The following ACO2 variants were observed in gnomAD, a reference collection of about 807,000 sequenced individuals.
The protein encoded by ACO2 is aconitase 2, also known as aconitate hydratase, mitochondrial.
Under a neutral mutation model 84.5 loss-of-function variants are expected in ACO2, and 31 were observed. The ratio of observed to expected loss-of-function variants is 0.37; its 90% CI spans 0.28 to 0.50. ACO2 has a LOEUF of 0.50. Among genes scored for constraint, ACO2 ranks in the 20% least tolerant of loss-of-function variants. ACO2 has a pLI of 0.97. For missense variants in ACO2, 685 were observed against 1,029.3 expected, an observed-to-expected ratio of 0.67 and a Z score of 4.58; for synonymous variants, 414 against 412.7, an observed-to-expected ratio of 1.00 and a Z score of -0.04.
At chr22:41,481,619 G>T (rs1201859118) in intron 1 of ACO2, among the ~76,000 whole-genome samples, 1 of 152,252 alleles carries the variant, frequency 6.6e-6, no homozygotes, top group Non-Finnish European at 1.5e-5. Flanking sequence ...GCCGAGTGGG[G>T]TTGTGGGGAG....
chr22:41,528,570 G>T lies in ACO2; in HGVS notation c.2300G>T (p.Arg767Leu). 1 of 1,612,936 alleles carries T rather than the reference G, an allele frequency of 6.2e-7. No homozygotes were observed. Among genetic ancestry groups the T allele is most frequent in the South Asian group, 1.1e-5 (1 of 91,034 alleles). The change falls in exon 18 of 18, where the codon CGC becomes CTC. Residue 767 changes from arginine (R) to leucine (L), a missense_variant. Transcript: ENST00000216254. ...TFNETQIEWF[R>L]AGSALNRMKE... Reference sequence around the variant, plus strand: ...AACGAGACGCAGATTGAGTGGTTCCGCGCTGGCAGTGCCCTCAACAGAATG... The same window carrying T: ...AACGAGACGCAGATTGAGTGGTTCCTCGCTGGCAGTGCCCTCAACAGAATG...
At chr22:41,508,461 G>A (rs1279304405) in intron 3 of ACO2, among the ~76,000 whole-genome samples, 1 of 152,150 alleles carries the variant, frequency 6.6e-6, no homozygotes, top group Non-Finnish European at 1.5e-5. Flanking sequence ...GACCCTCTCC[G>A]GGAGGTAGGC....
Position 41,515,594 on chromosome 22 carries a change from A to C in ACO2, c.684+59A>C. 2 of 1,579,090 alleles carry C rather than the reference A, an allele frequency of 1.3e-6. No homozygotes were observed. The highest frequency in any genetic ancestry group is 8.6e-7 in the Non-Finnish European group (1 of 1,161,084). On this transcript the variant is annotated intron_variant, in intron 5 of 17. Transcript: ENST00000216254. The surrounding 1 kb of genome is among the most constrained non-coding windows in gnomAD (Gnocchi z 5.8). ...TGTGGGGTGGTGGTTGGTGGGGATG[A>C]ACGGGAGACGGTGGGACCCAGGAGG...
intron 1 of ACO2, among the ~76,000 whole-genome samples, chr22:41,494,536 T>C (rs1193048825): frequency 6.5e-5 from 9 of 138,842 alleles, no homozygotes; most frequent in East Asian, 4.6e-4. Context: ...CTCAGCCTCC[T>C]GAGTAGCTGG....
chr22:41,486,555 C>T (rs979941682), intron 1 of ACO2, among the ~76,000 whole-genome samples: 2 of 150,682 alleles, frequency 1.3e-5, no homozygotes, highest in Non-Finnish European at 3.0e-5. Flanking sequence ...ACTGCAAGCT[C>T]CACCTCCCAG....
At chr22:41,507,053 C>T (rs951696677) in intron 2 of ACO2, among the ~76,000 whole-genome samples, 8 of 151,832 alleles carry the variant, frequency 5.3e-5, no homozygotes, top group African/African-American at 1.9e-4. Context: ...CAGGTTTGGA[C>T]TGCCATTTTG....
intron 17 of ACO2, 148 bp downstream of exon 17, chr22:41,528,170 C>A: frequency 7.8e-7 from 1 of 1,274,464 alleles, no homozygotes; most frequent in Non-Finnish European, 1.1e-6. Context: ...ACAGAGAAAG[C>A]AAAGTGGCTT....
At chr22:41,526,759 G>C (rs1378875666) in intron 15 of ACO2, 2 of 371,448 alleles carry the variant, frequency 5.4e-6, no homozygotes, top group Non-Finnish European at 9.8e-6. Context: ...CAAAAGCTCA[G>C]AGAGGGGGCT....
Position 41,528,661 on chromosome 22 carries a change from T to C in ACO2, c.*48T>C. 6.2e-7 allele frequency: 1 copy of C among 1,602,096 alleles called. No homozygotes were observed. The highest frequency in any genetic ancestry group is 8.5e-7 in the Non-Finnish European group (1 of 1,176,352). On this transcript the variant is annotated 3_prime_UTR_variant, in exon 18 of 18. Coordinates refer to ENST00000216254, the MANE Select transcript of ACO2 (RefSeq NM_001098.3). Reference sequence around the variant, plus strand: ...CGCTGGCGTCAAGTTCAGCTCCACGTGTGCCATCAGTGGATCCGATCCGTC... The same window carrying C: ...CGCTGGCGTCAAGTTCAGCTCCACGCGTGCCATCAGTGGATCCGATCCGTC...
At chr22:41,505,140 A>G (rs959134815) in intron 2 of ACO2, among the ~76,000 whole-genome samples, 1 of 152,068 alleles carries the variant, frequency 6.6e-6, no homozygotes, top group Non-Finnish European at 1.5e-5. Context: ...TAACTGAGAA[A>G]GGATGAGGTG....
intron 1 of ACO2, among the ~76,000 whole-genome samples, chr22:41,488,552 A>T (rs1202693296): frequency 6.6e-6 from 1 of 152,196 alleles, no homozygotes; most frequent in Non-Finnish European, 1.5e-5. Flanking sequence ...GTGACCAGCC[A>T]GTGGCCTGAT....
At chr22:41,528,168 A>T (rs1187344986) in intron 17 of ACO2, 146 bp downstream of exon 17, 5 of 1,293,188 alleles carry the variant, frequency 3.9e-6, no homozygotes, top group Admixed American at 4.7e-5. Context: ...CCACAGAGAA[A>T]GCAAAGTGGC....
At chr22:41,509,863 G>C (rs1435493440) in intron 3 of ACO2, among the ~76,000 whole-genome samples, 2 of 141,324 alleles carry the variant, frequency 1.4e-5, no homozygotes, top group African/African-American at 5.2e-5. Flanking sequence ...TATCCCCCAG[G>C]CTGGAGTGCA....
intron 1 of ACO2, among the ~76,000 whole-genome samples, chr22:41,495,982 T>C (rs1601897090): frequency 1.3e-5 from 2 of 151,928 alleles, no homozygotes; most frequent in East Asian, 1.9e-4. Context: ...TAATTTCACA[T>C]TGGAAAGCTG....
intron 1 of ACO2, among the ~76,000 whole-genome samples, chr22:41,474,692 A>G (rs1211358007): frequency 7.7e-5 from 9 of 116,674 alleles, no homozygotes; most frequent in South Asian, 2.9e-4. Flanking sequence ...TCCGCCTCCC[A>G]GGTTCACGCC....
chr22:41,505,902 G>A (rs2066389532), intron 2 of ACO2, among the ~76,000 whole-genome samples: 1 of 152,110 alleles, frequency 6.6e-6, no homozygotes, highest in Non-Finnish European at 1.5e-5. Context: ...TTTATTGTAT[G>A]CCAATTATAC....
intron 2 of ACO2, among the ~76,000 whole-genome samples, chr22:41,503,140 G>A (rs953257546): frequency 6.6e-5 from 10 of 152,130 alleles, no homozygotes; most frequent in Non-Finnish European, 8.8e-5. Flanking sequence ...TACCCTTTAA[G>A]GCACTGGGAG....
intron 3 of ACO2, among the ~76,000 whole-genome samples, chr22:41,510,163 T>A (rs1474194516): frequency 2.6e-5 from 4 of 152,066 alleles, no homozygotes; most frequent in African/African-American, 7.2e-5. Context: ...TACGTGTATT[T>A]GTAAAGTGTC....
chr22:41,484,084 G>A (rs928701762), intron 1 of ACO2, among the ~76,000 whole-genome samples: 1 of 152,130 alleles, frequency 6.6e-6, no homozygotes, highest in Non-Finnish European at 1.5e-5. Context: ...TTGGGGCAGG[G>A]AAATGGGGGG....
Sources: allele counts gnomAD v4.1 joint callset (sites outside exome capture counted in the v4.1 genomes callset), GRCh38; gene constraint gnomAD v4.1.1; non-coding constraint Gnocchi (gnomAD v3.1); transcripts MANE v1.5; gene names NCBI Gene and HGNC (gene_info 2026-07-23, HGNC 2026-07-21).